CTNNA3: variants seen among roughly 807,000 people sequenced by gnomAD.
The protein encoded by CTNNA3 is catenin alpha 3, also known as catenin alpha-3.
In CTNNA3, 76 loss-of-function variants were observed where a neutral mutation model predicts 95.7. That is an observed-to-expected ratio of 0.79 (90% CI 0.66 to 0.96). The LOEUF is 0.96. CTNNA3 is among the 40% of genes least tolerant of loss of function. The pLI is 0.00. For missense variants in CTNNA3, 1,191 were observed against 1,089.8 expected (o/e 1.09, Z -1.31); for synonymous variants, 431 against 374.4 (o/e 1.15, Z -1.74).
At chr10:66,206,679 T>C (rs1165857352) in intron 13 of CTNNA3, among the ~76,000 whole-genome samples, 1 of 151,692 alleles carries the variant, frequency 6.6e-6, no homozygotes, top group Admixed American at 6.6e-5. Flanking sequence ...GATTTGGCCA[T>C]ATCATCTACA....
At chr10:67,095,814 C>T (rs1298985885) in intron 7 of CTNNA3, among the ~76,000 whole-genome samples, 8 of 151,846 alleles carry the variant, frequency 5.3e-5, no homozygotes, top group Non-Finnish European at 8.8e-5. Flanking sequence ...AGTAACAGTT[C>T]TATTTTTGTT....
intron 15 of CTNNA3, among the ~76,000 whole-genome samples, chr10:66,032,673 A>AT (rs1324765546): frequency 2.6e-5 from 4 of 152,206 alleles, no homozygotes; most frequent in African/African-American, 9.6e-5. Context: ...CCATGTTCTC[A>AT]TTTCTAAGTA....
chr10:67,069,180 C>T (rs1458011210), intron 7 of CTNNA3, among the ~76,000 whole-genome samples: 1 of 151,968 alleles, frequency 6.6e-6, no homozygotes, highest in Non-Finnish European at 1.5e-5. Flanking sequence ...GCTATAGTCT[C>T]AAACTTGATT....
intron 9 of CTNNA3, among the ~76,000 whole-genome samples, chr10:66,744,035 G>A (rs1160106448): frequency 4.0e-5 from 6 of 149,998 alleles, no homozygotes; most frequent in Non-Finnish European, 7.4e-5. Flanking sequence ...AGCAGAAAGA[G>A]GGAAGAATGA....
chr10:66,762,185 A>T, intron 9 of CTNNA3, among the ~76,000 whole-genome samples: 1 of 152,166 alleles, frequency 6.6e-6, no homozygotes, highest in Non-Finnish European at 1.5e-5. Flanking sequence ...GGCAGAAGCC[A>T]GTAGAGATAA....
intron 7 of CTNNA3, among the ~76,000 whole-genome samples, chr10:67,014,965 A>T (rs1393039956): frequency 1.3e-5 from 2 of 152,080 alleles, no homozygotes; most frequent in African/African-American, 4.8e-5. Flanking sequence ...ACTAAAGAAA[A>T]TTTGAACTAA....
At chr10:67,683,311 A>T (rs1461880614) in intron 1 of CTNNA3, among the ~76,000 whole-genome samples, 1 of 152,204 alleles carries the variant, frequency 6.6e-6, no homozygotes, top group Non-Finnish European at 1.5e-5. Flanking sequence ...ATCCACAAAA[A>T]CACACACATT....
chr10:66,000,485 T>C (rs2078749577), intron 15 of CTNNA3, among the ~76,000 whole-genome samples: 2 of 152,228 alleles, frequency 1.3e-5, no homozygotes, highest in Admixed American at 1.3e-4. Context: ...GTTTCTGCTA[T>C]TGTGTGAAAA....
chr10:66,404,297 G>A (rs1225745677), intron 11 of CTNNA3, among the ~76,000 whole-genome samples: 1 of 152,102 alleles, frequency 6.6e-6, no homozygotes, highest in Admixed American at 6.6e-5. Context: ...CTTCAGAGAG[G>A]CTGATTTGAC....
intron 13 of CTNNA3, among the ~76,000 whole-genome samples, chr10:66,115,578 A>AG (rs368222088): frequency 1.5e-5 from 2 of 131,018 alleles, no homozygotes; most frequent in Non-Finnish European, 3.4e-5. Context: ...AGACAGATAG[A>AG]TGATAGATAG....
chr10:66,701,992 G>A lies in CTNNA3; in HGVS notation c.1281+64272C>T, dbSNP rs143398893. Among the ~76,000 whole-genome samples, 712 of 151,952 alleles carry A rather than the reference G, an allele frequency of 4.7e-3. 5 individuals are homozygous for A. The highest frequency in any genetic ancestry group is 0.016 in the African/African-American group (670 of 41,386). On this transcript the variant is annotated intron_variant, in intron 9 of 17. Coordinates refer to ENST00000433211, the MANE Select transcript of CTNNA3 (RefSeq NM_013266.4). Reference sequence around the variant, plus strand: ...ATCAGAAGGCAAGTGTCAACATCTCGGCCACCCATATGAGCCATCTGTGGT... The same window carrying A: ...ATCAGAAGGCAAGTGTCAACATCTCAGCCACCCATATGAGCCATCTGTGGT...
At chr10:66,025,849 T>C (rs1324011178) in intron 15 of CTNNA3, among the ~76,000 whole-genome samples, 1 of 152,166 alleles carries the variant, frequency 6.6e-6, no homozygotes, top group Non-Finnish European at 1.5e-5. Flanking sequence ...GTCTATGTGA[T>C]AGATTAGTGA....
intron 8 of CTNNA3, among the ~76,000 whole-genome samples, chr10:66,772,622 C>G (rs1840138332): frequency 6.6e-6 from 1 of 152,074 alleles, no homozygotes; most frequent in Non-Finnish European, 1.5e-5. Flanking sequence ...GTAAAACAGG[C>G]AAGAAAGTCA....
chr10:67,361,237 A>C (rs943730310), intron 5 of CTNNA3, among the ~76,000 whole-genome samples: 1 of 152,138 alleles, frequency 6.6e-6, no homozygotes, highest in Non-Finnish European at 1.5e-5. Context: ...ACTCTAACAA[A>C]GAAATTATGG....
At chr10:66,330,915 G>A (rs2092318570) in intron 12 of CTNNA3, among the ~76,000 whole-genome samples, 1 of 152,044 alleles carries the variant, frequency 6.6e-6, no homozygotes. Context: ...TTTTGATGGG[G>A]TGGTTTGTTT....
At chr10:67,441,745 C>T (rs1026534836) in intron 5 of CTNNA3, among the ~76,000 whole-genome samples, 2 of 151,976 alleles carry the variant, frequency 1.3e-5, no homozygotes, top group Non-Finnish European at 2.9e-5. Context: ...GAAATACTTT[C>T]CTGGACAAAG....
chr10:66,996,649 C>CAAAAGAA (rs1851364483), intron 7 of CTNNA3, among the ~76,000 whole-genome samples: 1 of 67,644 alleles, frequency 1.5e-5, no homozygotes, highest in African/African-American at 5.9e-5. Context: ...TCCGTCTCTA[C>CAAAAGAA]AAAAAAAAAA....
At chr10:66,843,474 T>C (rs180848865) in intron 7 of CTNNA3, among the ~76,000 whole-genome samples, 2 of 152,284 alleles carry the variant, frequency 1.3e-5, no homozygotes, top group East Asian at 3.9e-4. Flanking sequence ...GAATCATCAC[T>C]CAAACAGATG....
chr10:66,065,592 T>G (rs968703426), intron 15 of CTNNA3, among the ~76,000 whole-genome samples: 2 of 152,164 alleles, frequency 1.3e-5, no homozygotes, highest in African/African-American at 4.8e-5. Flanking sequence ...GTAAGACCAT[T>G]GATTACTCAC....
Sources: allele counts gnomAD v4.1 joint callset (sites outside exome capture counted in the v4.1 genomes callset), GRCh38; gene constraint gnomAD v4.1.1; transcripts MANE v1.5; gene names NCBI Gene and HGNC (gene_info 2026-07-23, HGNC 2026-07-21).